Variants in VSTM5 observed in about 807,000 individuals in gnomAD.
The protein encoded by VSTM5 is V-set and transmembrane domain-containing protein 5.
VSTM5 carries 21 observed loss-of-function variants against 20.3 expected under a neutral mutation model. The observed-to-expected ratio is 1.03, with a 90% CI of 0.73 to 1.49. The LOEUF (loss-of-function observed/expected upper bound fraction) is 1.49. VSTM5 is among the 40% of genes most tolerant of loss of function. VSTM5 has a pLI of 0.00. For missense variants in VSTM5, 219 were observed against 250.0 expected (o/e 0.88, Z 0.84); for synonymous variants, 100 against 102.5 (o/e 0.98, Z 0.14).
At chr11:93,827,995 C>T (rs1944252706) in intron 1 of VSTM5, among the ~76,000 whole-genome samples, 1 of 152,120 alleles carries the variant, frequency 6.6e-6, no homozygotes, top group South Asian at 2.1e-4. Flanking sequence ...ACTTTATTTT[C>T]CATGTAAGCC....
intron 1 of VSTM5, among the ~76,000 whole-genome samples, chr11:93,825,469 C>T (rs1944225045): frequency 1.3e-5 from 2 of 152,210 alleles, no homozygotes; most frequent in African/African-American, 2.4e-5. Flanking sequence ...TGCATCTGGC[C>T]TGCTTTTTTG....
intron 1 of VSTM5, among the ~76,000 whole-genome samples, chr11:93,834,516 C>A (rs1263044984): frequency 6.6e-6 from 1 of 152,106 alleles, no homozygotes; most frequent in Non-Finnish European, 1.5e-5. Flanking sequence ...GTGGCTCATG[C>A]CTGTAATCCC....
Position 93,818,664 on chromosome 11 carries a change from G to C in VSTM5, c.*1905C>G, listed in dbSNP as rs1944152167. On this transcript the variant is annotated 3_prime_UTR_variant, in exon 4 of 4. Transcript: ENST00000409977. ...CGGAAGAGCAGAGTTCTGAAAGGCA[G>C]GTAGTGTGGAAGAGGACATGCTGGC... 1.3e-5 allele frequency: 2 copies of C among 152,116 alleles called. No homozygotes were observed. The highest frequency in any genetic ancestry group is 2.9e-5 in the Non-Finnish European group (2 of 68,044). The allele number at this position is 152,116 out of a possible 1,614,324, so 9.4% of individuals were successfully genotyped here.
intron 1 of VSTM5, among the ~76,000 whole-genome samples, chr11:93,843,034 T>G (rs371761815): frequency 8.1e-4 from 123 of 151,350 alleles, no homozygotes; most frequent in African/African-American, 2.9e-3. Context: ...GAGGTTGCAG[T>G]CAGCTGAGAT....
At chr11:93,850,326 G>A (rs1944448557) in intron 1 of VSTM5, 86 bp downstream of exon 1, 19 of 1,224,140 alleles carry the variant, frequency 1.6e-5, no homozygotes, top group Non-Finnish European at 2.0e-5. Flanking sequence ...AGGGCCAGGG[G>A]GGCCGCTGCT....
chr11:93,823,564 A>G (rs1450098348), intron 1 of VSTM5, among the ~76,000 whole-genome samples: 1 of 152,202 alleles, frequency 6.6e-6, no homozygotes, highest in Non-Finnish European at 1.5e-5. Flanking sequence ...CTCTGGCAAC[A>G]ACAGTTCTAC....
intron 1 of VSTM5, among the ~76,000 whole-genome samples, chr11:93,846,108 G>A (rs1445234409): frequency 2.0e-5 from 3 of 152,170 alleles, no homozygotes; most frequent in Admixed American, 1.3e-4. Flanking sequence ...CTCCCACCTC[G>A]GCCTCCCGCG....
rs1944171758 is a variant in VSTM5, at chr11:93,820,559, C to T, written c.*10G>A. ...TCTTGAGGTAGGAATGCAGTCAGGC[C>T]CAGCCTTGGCTAACACTCAACATCT... On this transcript the variant is annotated 3_prime_UTR_variant, in exon 4 of 4. Coordinates refer to ENST00000409977, the MANE Select transcript of VSTM5 (RefSeq NM_001144871.2). The T allele has an allele frequency of 1.3e-6, 2 of 1,551,758 alleles. No individual in the cohort carries two copies. The highest frequency in any genetic ancestry group is 1.2e-5 in the South Asian group (1 of 84,050).
chr11:93,822,376 C>T (rs1421679207), intron 1 of VSTM5, among the ~76,000 whole-genome samples: 2 of 151,882 alleles, frequency 1.3e-5, no homozygotes, highest in Non-Finnish European at 2.9e-5. Context: ...GCCAGTGCAC[C>T]CAGCCATCTC....
At chr11:93,824,088 A>G (rs1944213263) in intron 1 of VSTM5, among the ~76,000 whole-genome samples, 1 of 151,978 alleles carries the variant, frequency 6.6e-6, no homozygotes, top group South Asian at 2.1e-4. Flanking sequence ...TGGTCTTTTT[A>G]GTAGAGATGG....
At chr11:93,820,655 A>G (rs770532973) in intron 3 of VSTM5, 43 bp from the exon 4 acceptor site, 5 of 1,551,646 alleles carry the variant, frequency 3.2e-6, no homozygotes, top group South Asian at 1.2e-5. Flanking sequence ...ATCAAGCCAC[A>G]TAGTGCTTTC....
chr11:93,833,576 T>C (rs1225001858), intron 1 of VSTM5, among the ~76,000 whole-genome samples: 6 of 152,110 alleles, frequency 3.9e-5, no homozygotes, highest in Non-Finnish European at 8.8e-5. Context: ...AAAAATAAAA[T>C]AGTATTACAT....
At chr11:93,842,882 A>G (rs1406082649) in intron 1 of VSTM5, among the ~76,000 whole-genome samples, 1 of 152,190 alleles carries the variant, frequency 6.6e-6, no homozygotes, top group Admixed American at 6.5e-5. Flanking sequence ...CAGGTGGATC[A>G]CTTGAGGTCA....
intron 1 of VSTM5, among the ~76,000 whole-genome samples, chr11:93,835,855 G>A (rs1021792611): frequency 7.9e-5 from 12 of 152,170 alleles, no homozygotes; most frequent in African/African-American, 2.9e-4. Flanking sequence ...GGAACTCGGT[G>A]GCTGGAGGAC....
At chr11:93,835,938 A>G (rs1944319486) in intron 1 of VSTM5, among the ~76,000 whole-genome samples, 1 of 151,974 alleles carries the variant, frequency 6.6e-6, no homozygotes, top group African/African-American at 2.4e-5. Flanking sequence ...TTCAAACATA[A>G]GCAAAAACTA....
chr11:93,838,573 C>T (rs1944343154), intron 1 of VSTM5, among the ~76,000 whole-genome samples: 1 of 148,888 alleles, frequency 6.7e-6, no homozygotes, highest in East Asian at 2.0e-4. Context: ...GGGCAGATCA[C>T]TTGAGCCCAG....
chr11:93,829,199 G>A (rs1944261674), intron 1 of VSTM5, among the ~76,000 whole-genome samples: 2 of 152,196 alleles, frequency 1.3e-5, no homozygotes, highest in African/African-American at 4.8e-5. Flanking sequence ...GGATGTGGCA[G>A]TTTCAGGGCT....
In VSTM5 at chr11:93,850,397, T is replaced by C; in HGVS notation, c.91+15A>G. 1 of 1,534,732 alleles carries C rather than the reference T, an allele frequency of 6.5e-7. No homozygotes were observed. The highest frequency in any genetic ancestry group is 2.0e-5 in the Admixed American group (1 of 50,314). Reference sequence around the variant, plus strand: ...TCCCGCTCCCCCAGCACCCGGGGCGTCCCCCGGAGCTTACTCTGCAGACAG... The same window carrying C: ...TCCCGCTCCCCCAGCACCCGGGGCGCCCCCCGGAGCTTACTCTGCAGACAG... On this transcript the variant is annotated intron_variant, in intron 1 of 3. Coordinates refer to ENST00000409977, the MANE Select transcript of VSTM5 (RefSeq NM_001144871.2).
At chr11:93,843,932 C>G (rs1944391735) in intron 1 of VSTM5, among the ~76,000 whole-genome samples, 1 of 152,166 alleles carries the variant, frequency 6.6e-6, no homozygotes, top group African/African-American at 2.4e-5. Flanking sequence ...TTCTCAGGTT[C>G]CTGCTCACTC....
Sources: gnomAD v4.1 joint callset for allele counts (sites outside exome capture counted in the v4.1 genomes callset) on GRCh38, gnomAD v4.1.1 for gene constraint, MANE v1.5 for transcripts, NCBI Gene and HGNC (gene_info 2026-07-23, HGNC 2026-07-21) for gene names.